The following SLC16A10 variants were observed in gnomAD, a reference collection of about 807,000 sequenced individuals.
SLC16A10 encodes solute carrier family 16 member 10.
Under a neutral mutation model 40.0 loss-of-function variants are expected in SLC16A10, and 27 were observed. The ratio of observed to expected loss-of-function variants is 0.67; its 90% confidence interval spans 0.50 to 0.93. The LOEUF is 0.93. Among genes scored for constraint, SLC16A10 ranks in the 40% least tolerant of loss-of-function variants. SLC16A10 has a pLI of 0.00. For missense variants in SLC16A10, 529 were observed against 658.2 expected (o/e 0.80, Z 2.15); for synonymous variants, 213 against 249.8 (o/e 0.85, Z 1.39).
chr6:111,162,004 A>G (rs1395233424), intron 1 of SLC16A10, among the ~76,000 whole-genome samples: 1 of 152,230 alleles, frequency 6.6e-6, no homozygotes, highest in Non-Finnish European at 1.5e-5. Context: ...GTTGGTTCAC[A>G]GAAATAAGCA....
intron 1 of SLC16A10, among the ~76,000 whole-genome samples, chr6:111,148,005 C>G (rs1772109748): frequency 6.6e-6 from 1 of 152,164 alleles, no homozygotes; most frequent in Non-Finnish European, 1.5e-5. Flanking sequence ...CTTCCCACTA[C>G]TATACTTTAA....
chr6:111,136,531 A>T (rs547798636), intron 1 of SLC16A10, among the ~76,000 whole-genome samples: 1 of 152,342 alleles, frequency 6.6e-6, no homozygotes, highest in East Asian at 1.9e-4. Context: ...AGGCTCTATT[A>T]CTTGAAGGGC....
chr6:111,117,081 T>G (rs1027070250), intron 1 of SLC16A10, among the ~76,000 whole-genome samples: 2 of 152,082 alleles, frequency 1.3e-5, no homozygotes, highest in Admixed American at 6.6e-5. Context: ...CCAGGTGTGG[T>G]GGGTCATGCC....
At chr6:111,105,166 A>T (rs1473964855) in intron 1 of SLC16A10, among the ~76,000 whole-genome samples, 4 of 152,162 alleles carry the variant, frequency 2.6e-5, no homozygotes, top group Non-Finnish European at 1.5e-5. Context: ...CTAGACCAAG[A>T]GACTGTGAGA....
At chr6:111,195,717 A>T (rs958291173) in intron 3 of SLC16A10, among the ~76,000 whole-genome samples, 1 of 152,172 alleles carries the variant, frequency 6.6e-6, no homozygotes, top group African/African-American at 2.4e-5. Context: ...AGTAGAGTTC[A>T]TAATTTGACT....
intron 3 of SLC16A10, among the ~76,000 whole-genome samples, chr6:111,199,953 T>A (rs1443599665): frequency 6.6e-6 from 1 of 152,232 alleles, no homozygotes; most frequent in African/African-American, 2.4e-5. Context: ...TTCTGCCCTT[T>A]GGTAGCTATG....
chr6:111,204,413 G>A (rs560496639), intron 3 of SLC16A10, among the ~76,000 whole-genome samples: 1 of 152,224 alleles, frequency 6.6e-6, no homozygotes, highest in Non-Finnish European at 1.5e-5. Context: ...AAACAGGAGT[G>A]GATATGTCTA....
intron 1 of SLC16A10, among the ~76,000 whole-genome samples, chr6:111,126,801 A>G (rs1248781819): frequency 1.3e-5 from 2 of 152,186 alleles, no homozygotes; most frequent in African/African-American, 2.4e-5. Context: ...ATTATATATT[A>G]TGAACCAGAC....
At chr6:111,132,346 A>T (rs1334781450) in intron 1 of SLC16A10, among the ~76,000 whole-genome samples, 2 of 152,242 alleles carry the variant, frequency 1.3e-5, no homozygotes, top group Non-Finnish European at 2.9e-5. Flanking sequence ...ATAATTGATA[A>T]TTGAAGGTCT....
At chr6:111,156,379 C>T (rs1195463059) in intron 1 of SLC16A10, among the ~76,000 whole-genome samples, 1 of 152,192 alleles carries the variant, frequency 6.6e-6, no homozygotes, top group Non-Finnish European at 1.5e-5. Context: ...ATCTGGCAAA[C>T]TCTGTCCCAC....
chr6:111,219,151 G>A, intron 5 of SLC16A10, 109 bp downstream of exon 5: 2 of 1,014,080 alleles, frequency 2.0e-6, no homozygotes, highest in Non-Finnish European at 2.9e-6. Context: ...ATTGATTACT[G>A]GTCTTTTGCT....
At position 111,107,314 on chromosome 6, in the gene SLC16A10, C is replaced by T. The variant is rs548830690; in HGVS notation, c.343+19219C>T. Among the ~76,000 whole-genome samples, 6 of 152,220 alleles carry T rather than the reference C, an allele frequency of 3.9e-5. No homozygotes were observed. The South Asian group carries it at 6.2e-4, about 16-fold the overall frequency. ...TGATATCGCACCAGTTTTTAAAAAG[C>T]GCCTATCAGGGTAACATGAATTCTG... is the stretch of plus-strand genomic sequence containing the variant. On this transcript the variant is annotated intron_variant, in intron 1 of 5. Coordinates refer to ENST00000368851, the MANE Select transcript of SLC16A10 (RefSeq NM_018593.5).
intron 1 of SLC16A10, among the ~76,000 whole-genome samples, chr6:111,118,885 G>A (rs558040062): frequency 6.6e-5 from 10 of 152,228 alleles, no homozygotes; most frequent in African/African-American, 2.4e-4. Flanking sequence ...AGAAGATTTT[G>A]CAGGATCCTC....
rs1771075793 is a variant in SLC16A10 at position 111,229,918 on chromosome 6, G to C, written c.*7683G>C. ...TGAGGCCAGGAGTTCGAGACATACG[G>C]GTCTCTTTAATGTTCTGTAGGTAGG... On this transcript the variant is annotated 3_prime_UTR_variant, in exon 6 of 6. Transcript: ENST00000368851. 1 of 151,216 alleles carries C rather than the reference G, an allele frequency of 6.6e-6. No individual in the cohort carries two copies. Among genetic ancestry groups the C allele is most frequent in the African/African-American group, 2.4e-5 (1 of 41,152 alleles). 9.4% of individuals were successfully genotyped at this position (151,216 alleles called of 1,614,324 possible).
intron 1 of SLC16A10, among the ~76,000 whole-genome samples, chr6:111,163,357 T>A (rs545569621): frequency 2.6e-5 from 4 of 151,646 alleles, no homozygotes; most frequent in Admixed American, 2.0e-4. Flanking sequence ...TTTCACCGTT[T>A]TAGCCGGGAT....
intron 1 of SLC16A10, among the ~76,000 whole-genome samples, chr6:111,118,071 C>T (rs965628737): frequency 1.3e-5 from 2 of 152,092 alleles, no homozygotes; most frequent in South Asian, 2.1e-4. Context: ...GTAAAAGATA[C>T]GAACAGGCAG....
chr6:111,142,316 T>C (rs1243434624), intron 1 of SLC16A10, among the ~76,000 whole-genome samples: 1 of 152,086 alleles, frequency 6.6e-6, no homozygotes, highest in East Asian at 1.9e-4. Context: ...TGTCCACATG[T>C]AAAAAAATGA....
chr6:111,194,573 C>T (rs1456645400), intron 3 of SLC16A10, among the ~76,000 whole-genome samples: 6 of 152,132 alleles, frequency 3.9e-5, no homozygotes, highest in African/African-American at 1.2e-4. Context: ...CAGATATCCA[C>T]GCCCCTCTTG....
intron 1 of SLC16A10, among the ~76,000 whole-genome samples, chr6:111,130,427 T>C (rs1391907997): frequency 1.3e-5 from 2 of 152,242 alleles, no homozygotes; most frequent in Non-Finnish European, 2.9e-5. Flanking sequence ...ATGTAAACAG[T>C]GCTTAGAAGC....
Sources: gnomAD v4.1 joint callset for allele counts (sites outside exome capture counted in the v4.1 genomes callset) on GRCh38, gnomAD v4.1.1 for gene constraint, MANE v1.5 for transcripts, NCBI Gene and HGNC (gene_info 2026-07-23, HGNC 2026-07-21) for gene names.